UBE3C: variants seen among roughly 807,000 people sequenced by gnomAD.
UBE3C encodes ubiquitin-protein ligase E3C.
A neutral mutation model predicts 129.4 loss-of-function variants in UBE3C; 42 were observed. The observed-to-expected ratio is 0.32, with a 90% confidence interval of 0.25 to 0.42. The LOEUF (loss-of-function observed/expected upper bound fraction) is 0.42, where lower values mean the gene tolerates loss of function less well. Ranked by LOEUF, UBE3C falls within the 10% of genes least tolerant of loss-of-function variation. UBE3C has a pLI of 1.00. For missense variants in UBE3C, 1,049 were observed against 1,319.1 expected (o/e 0.80, Z 3.17); for synonymous variants, 510 against 492.4 (o/e 1.04, Z -0.47).
intron 17 of UBE3C, among the ~76,000 whole-genome samples, chr7:157,230,171 A>G (rs1173404785): frequency 1.3e-5 from 2 of 151,946 alleles, no homozygotes; most frequent in African/African-American, 2.4e-5. Flanking sequence ...CAGCGTCCCA[A>G]AGTGCTGGGA....
intron 1 of UBE3C, among the ~76,000 whole-genome samples, chr7:157,150,696 T>C (rs1807733763): frequency 6.6e-6 from 1 of 152,246 alleles, no homozygotes; most frequent in South Asian, 2.1e-4. Flanking sequence ...TGATTTATTG[T>C]TAATGGAAAT....
At chr7:157,210,678 A>G (rs1809565564) in intron 13 of UBE3C, among the ~76,000 whole-genome samples, 1 of 152,232 alleles carries the variant, frequency 6.6e-6, no homozygotes, top group Non-Finnish European at 1.5e-5. Flanking sequence ...ATTTGAGTTG[A>G]AGAATTCGAG....
At position 157,154,523 on chromosome 7, in the gene UBE3C, C is replaced by T. The variant is rs775136739; in HGVS notation, c.67-9287C>T. On this transcript the variant is annotated intron_variant, in intron 1 of 22. Coordinates refer to ENST00000348165, the MANE Select transcript of UBE3C (RefSeq NM_014671.3). The stretch of plus-strand genomic sequence containing the variant: ...ACAAAATATCTTAGTGATTCCATAT[C>T]GGCATCTTTATATTTGTTATTTTTC... Among the ~76,000 whole-genome samples the T allele has an allele frequency of 1.1e-4, 17 of 152,026 alleles. 1 individual carries two copies. The highest frequency in any genetic ancestry group is 1.9e-4 in the East Asian group (1 of 5,190).
intron 10 of UBE3C, 138 bp from the exon 11 acceptor site, chr7:157,201,583 T>C (rs1809283139): frequency 1.9e-6 from 1 of 534,682 alleles, no homozygotes; most frequent in South Asian, 3.1e-5. Context: ...AGGCAGCTTT[T>C]TGTGGTATTA....
intron 1 of UBE3C, among the ~76,000 whole-genome samples, chr7:157,152,372 GTTTGGGTGTTTGAAT>G (rs1807781238): frequency 6.6e-6 from 1 of 152,158 alleles, no homozygotes; most frequent in South Asian, 2.1e-4. Flanking sequence ...GTGGGGGGCA[GTTTGGGTGTTTGAAT>G]CTAGGGAGGC....
intron 18 of UBE3C, among the ~76,000 whole-genome samples, chr7:157,244,074 T>C (rs1796414354): frequency 6.6e-6 from 1 of 152,074 alleles, no homozygotes; most frequent in African/African-American, 2.4e-5. Flanking sequence ...CTACTAAAAA[T>C]ACAAAAATTT....
intron 1 of UBE3C, among the ~76,000 whole-genome samples, chr7:157,153,111 G>A (rs1807803347): frequency 6.6e-6 from 1 of 152,118 alleles, no homozygotes; most frequent in African/African-American, 2.4e-5. Flanking sequence ...CCGGAGAATG[G>A]CTTGAACCCC....
At chr7:157,218,158 C>T (rs1447040321) in intron 14 of UBE3C, among the ~76,000 whole-genome samples, 1 of 151,812 alleles carries the variant, frequency 6.6e-6, no homozygotes, top group Non-Finnish European at 1.5e-5. Context: ...TAAAAGAAAC[C>T]ATGTCGGCTG....
intron 1 of UBE3C, among the ~76,000 whole-genome samples, chr7:157,140,866 A>G: frequency 6.6e-6 from 1 of 152,192 alleles, no homozygotes; most frequent in South Asian, 2.1e-4. Flanking sequence ...TAAAAACAAA[A>G]CTCTTTTTAT....
intron 1 of UBE3C, among the ~76,000 whole-genome samples, chr7:157,155,957 C>T (rs1338576228): frequency 6.6e-6 from 1 of 152,048 alleles, no homozygotes; most frequent in Non-Finnish European, 1.5e-5. Context: ...GGCATCCTTA[C>T]GGGTTCTACA....
At chr7:157,172,185 C>T (rs1271161061) in intron 4 of UBE3C, among the ~76,000 whole-genome samples, 1 of 151,772 alleles carries the variant, frequency 6.6e-6, no homozygotes, top group Non-Finnish European at 1.5e-5. Flanking sequence ...GCTTATGCCA[C>T]CACCCCTAGC....
chr7:157,188,696 A>G (rs981595841), intron 10 of UBE3C, among the ~76,000 whole-genome samples: 2 of 152,176 alleles, frequency 1.3e-5, no homozygotes, highest in Non-Finnish European at 2.9e-5. Context: ...TCCTCTAAGA[A>G]ACTACTCTAG....
chr7:157,202,321 T>A (rs1036410681), intron 11 of UBE3C, among the ~76,000 whole-genome samples: 17 of 152,204 alleles, frequency 1.1e-4, no homozygotes, highest in African/African-American at 4.1e-4. Flanking sequence ...CATGGTAAAC[T>A]GACTTAGCCT....
At chr7:157,174,718 A>G (rs1282777227) in intron 4 of UBE3C, among the ~76,000 whole-genome samples, 2 of 152,122 alleles carry the variant, frequency 1.3e-5, no homozygotes, top group Admixed American at 1.3e-4. Context: ...TCCCAAAGTT[A>G]CAGACGTGAA....
intron 1 of UBE3C, among the ~76,000 whole-genome samples, chr7:157,147,010 T>G (rs184028214): frequency 9.2e-5 from 14 of 152,160 alleles, no homozygotes; most frequent in Admixed American, 2.6e-4. Flanking sequence ...TTTAGTATTG[T>G]GTTGGCTATT....
intron 2 of UBE3C, chr7:157,164,348 G>A: frequency 2.2e-6 from 1 of 456,288 alleles, no homozygotes; most frequent in Non-Finnish European, 4.4e-6. Flanking sequence ...ACATAGATAG[G>A]GTCTTGCTTT....
At chr7:157,194,646 G>A (rs1183781318) in intron 10 of UBE3C, among the ~76,000 whole-genome samples, 1 of 152,158 alleles carries the variant, frequency 6.6e-6, no homozygotes, top group Admixed American at 6.5e-5. Flanking sequence ...AAGGAAGAAA[G>A]GAGTATAGCA....
intron 19 of UBE3C, among the ~76,000 whole-genome samples, chr7:157,252,224 A>G (rs1796637699): frequency 6.6e-6 from 1 of 152,204 alleles, no homozygotes; most frequent in Non-Finnish European, 1.5e-5. Context: ...TGATAACTTC[A>G]CTGGTCCTTT....
chr7:157,198,320 T>G, intron 10 of UBE3C: 1 of 816,662 alleles, frequency 1.2e-6, no homozygotes, highest in Non-Finnish European at 2.2e-6. Flanking sequence ...CTTGGAAGAT[T>G]TGCGCTTCAC....
Sources: gnomAD v4.1 joint callset for allele counts (sites outside exome capture counted in the v4.1 genomes callset) on GRCh38, gnomAD v4.1.1 for gene constraint, MANE v1.5 for transcripts, NCBI Gene and HGNC (gene_info 2026-07-23, HGNC 2026-07-21) for gene names.